The following SUGCT variants were observed in gnomAD, a reference collection of about 807,000 sequenced individuals.
SUGCT encodes succinyl-CoA:glutarate CoA-transferase.
In SUGCT, 41 loss-of-function variants were observed where a neutral mutation model predicts 55.0. The ratio of observed to expected loss-of-function variants is 0.74; its 90% CI spans 0.58 to 0.97. The LOEUF is 0.97. Among genes scored for constraint, SUGCT ranks in the 50% least tolerant of loss-of-function variants. The probability of loss-of-function intolerance (pLI) is 0.00; values close to 1 mark genes in which losing one functional copy is unlikely to be tolerated. For synonymous variants in SUGCT, 187 were observed against 200.4 expected (o/e 0.93, Z 0.56); for missense variants, 568 against 547.8 (o/e 1.04, Z -0.37).
At chr7:40,282,776 G>A (rs995837747) in intron 8 of SUGCT, among the ~76,000 whole-genome samples, 1 of 151,376 alleles carries the variant, frequency 6.6e-6, no homozygotes, top group South Asian at 2.1e-4. Context: ...TGAGGTAGGA[G>A]AATTGCTTGA....
intron 12 of SUGCT, among the ~76,000 whole-genome samples, chr7:40,514,634 C>T (rs1441909939): frequency 3.6e-5 from 5 of 139,800 alleles, no homozygotes; most frequent in Admixed American, 1.6e-4. Flanking sequence ...AGCATGAACC[C>T]GGGAGGCGGA....
At chr7:40,563,181 C>A (rs1335195699) in intron 12 of SUGCT, among the ~76,000 whole-genome samples, 1 of 152,128 alleles carries the variant, frequency 6.6e-6, no homozygotes, top group African/African-American at 2.4e-5. Flanking sequence ...TTGTTGGAGA[C>A]TCCCCTTTTA....
chr7:40,703,591 A>G (rs994545282), intron 12 of SUGCT, among the ~76,000 whole-genome samples: 7 of 152,226 alleles, frequency 4.6e-5, no homozygotes, highest in Non-Finnish European at 8.8e-5. Flanking sequence ...AAGCTTAATC[A>G]CTTGCCCACA....
At chr7:40,271,374 TC>T (rs1792002467) in intron 7 of SUGCT, among the ~76,000 whole-genome samples, 1 of 152,162 alleles carries the variant, frequency 6.6e-6, no homozygotes, top group Non-Finnish European at 1.5e-5. Flanking sequence ...TAAGTGGCCC[TC>T]CCTTCAGTCT....
chr7:40,788,343 C>G (rs947385371), intron 13 of SUGCT, among the ~76,000 whole-genome samples: 1 of 152,172 alleles, frequency 6.6e-6, no homozygotes, highest in East Asian at 1.9e-4. Flanking sequence ...GTAAATCAGT[C>G]TTCATATCAA....
chr7:40,650,993 A>C (rs959961743), intron 12 of SUGCT, among the ~76,000 whole-genome samples: 1 of 152,120 alleles, frequency 6.6e-6, no homozygotes, highest in Non-Finnish European at 1.5e-5. Flanking sequence ...ATCCTGCATT[A>C]GTTTGCTGAG....
chr7:40,596,074 G>GT (rs201450519), intron 12 of SUGCT, among the ~76,000 whole-genome samples: 2,154 of 152,180 alleles, frequency 0.014, 22 homozygotes, highest in Middle Eastern at 0.031. Flanking sequence ...TATAAGCTAA[G>GT]TTTCTTTTCA....
chr7:40,282,907 A>G (rs1793066251), intron 8 of SUGCT, among the ~76,000 whole-genome samples: 1 of 152,152 alleles, frequency 6.6e-6, no homozygotes, highest in African/African-American at 2.4e-5. Flanking sequence ...AGACTGAAAC[A>G]TAAGATCTAA....
At chr7:40,774,790 A>C (rs910402175) in intron 13 of SUGCT, among the ~76,000 whole-genome samples, 2 of 152,042 alleles carry the variant, frequency 1.3e-5, no homozygotes, top group Non-Finnish European at 2.9e-5. Flanking sequence ...AAAAAAAAAA[A>C]AACCCACAAA....
At chr7:41,038,047 T>A in the SUGCT span, among the ~76,000 whole-genome samples, 1 of 152,160 alleles carries the variant, frequency 6.6e-6, no homozygotes, top group Non-Finnish European at 1.5e-5. Context: ...GTGCTTCTGA[T>A]CTTTCTTATA....
chr7:40,984,012 G>A, the SUGCT span, among the ~76,000 whole-genome samples: 10 of 152,126 alleles, frequency 6.6e-5, no homozygotes, highest in East Asian at 1.9e-4. Flanking sequence ...CTGGCAGAAT[G>A]CAGGTAGGCG....
chr7:40,893,751 T>C, the SUGCT span, among the ~76,000 whole-genome samples: 2 of 152,080 alleles, frequency 1.3e-5, no homozygotes, highest in Non-Finnish European at 1.5e-5. Flanking sequence ...CCACATTAAT[T>C]TACTTGACTT....
intron 12 of SUGCT, among the ~76,000 whole-genome samples, chr7:40,616,069 A>C (rs1318831271): frequency 6.6e-6 from 1 of 152,250 alleles, no homozygotes; most frequent in Non-Finnish European, 1.5e-5. Flanking sequence ...AATAGCATAA[A>C]TATATGACTG....
chr7:40,435,217 A>T (rs1274739189), intron 9 of SUGCT, among the ~76,000 whole-genome samples: 3 of 152,198 alleles, frequency 2.0e-5, no homozygotes, highest in Non-Finnish European at 4.4e-5. Flanking sequence ...AGTATCTAAT[A>T]AGAAGGACTG....
chr7:40,582,161 A>G (rs1304308619), intron 12 of SUGCT, among the ~76,000 whole-genome samples: 1 of 152,164 alleles, frequency 6.6e-6, no homozygotes, highest in East Asian at 1.9e-4. Context: ...CAGAAACAAT[A>G]AAGAAATACA....
intron 12 of SUGCT, among the ~76,000 whole-genome samples, chr7:40,705,534 A>T (rs1032118138): frequency 6.6e-6 from 1 of 152,156 alleles, no homozygotes; most frequent in African/African-American, 2.4e-5. Flanking sequence ...CATTTTTGAC[A>T]CTGACTAGAA....
At chr7:40,656,774 A>C (rs1388624884) in intron 12 of SUGCT, among the ~76,000 whole-genome samples, 1 of 152,180 alleles carries the variant, frequency 6.6e-6, no homozygotes, top group Non-Finnish European at 1.5e-5. Context: ...AAGAATGATG[A>C]TCTCCCGAGG....
chr7:40,313,743 A>G (rs953842416), intron 8 of SUGCT, among the ~76,000 whole-genome samples: 8 of 147,246 alleles, frequency 5.4e-5, no homozygotes, highest in Middle Eastern at 7.1e-3. Context: ...TGATCCCCCC[A>G]TCTGTTTTTT....
intron 6 of SUGCT, among the ~76,000 whole-genome samples, chr7:40,222,689 A>G (rs1244129538): frequency 6.6e-6 from 1 of 152,136 alleles, no homozygotes; most frequent in Non-Finnish European, 1.5e-5. Flanking sequence ...TAAAAATACA[A>G]AAATTAGCTG....
Sources: allele counts gnomAD v4.1 joint callset (sites outside exome capture counted in the v4.1 genomes callset), GRCh38; gene constraint gnomAD v4.1.1; transcripts MANE v1.5; gene names NCBI Gene and HGNC (gene_info 2026-07-23, HGNC 2026-07-21).